Variants in DRC3 observed in about 807,000 individuals in gnomAD.
DRC3 encodes the protein dynein regulatory complex subunit 3.
A neutral mutation model predicts 57.6 loss-of-function variants in DRC3; 45 were observed. The ratio of observed to expected loss-of-function variants is 0.78; its 90% confidence interval spans 0.62 to 1.00. DRC3 has a LOEUF of 1.00. Ranked by LOEUF, DRC3 falls within the 50% of genes least tolerant of loss-of-function variation. The pLI, the probability that DRC3 is intolerant of heterozygous loss-of-function variation, is 0.00. For missense variants in DRC3, 655 were observed against 675.2 expected (o/e 0.97, Z 0.33); for synonymous variants, 257 against 272.3 (o/e 0.94, Z 0.55).
intron 12 of DRC3, chr17:18,007,981 C>A: frequency 3.0e-6 from 1 of 336,362 alleles, no homozygotes; most frequent in Non-Finnish European, 4.2e-6. Flanking sequence ...AACCCTATCA[C>A]TGCACACTTT....
At chr17:17,999,323 C>T (rs891451171) in intron 9 of DRC3, among the ~76,000 whole-genome samples, 3 of 152,190 alleles carry the variant, frequency 2.0e-5, no homozygotes, top group East Asian at 3.8e-4. Context: ...AGCCTGCATG[C>T]GGAGTCCCTG....
rs9900884 is a variant in DRC3 at position 17,988,382 on chromosome 17, A to G, written c.444+284A>G. The G allele has an allele frequency of 5.5e-3, 2,295 of 418,062 alleles. 40 individuals are homozygous for G. The highest frequency in any genetic ancestry group is 0.04 in the African/African-American group (1,969 of 49,312). The allele number at this position is 418,062 out of a possible 1,614,324, so 25.9% of individuals were successfully genotyped here. ...ATTTAACAAACATTTGCTGAGGTAC[A>G]TACCTGTTAGTGTTGGGCGTATGTC... On this transcript the variant is annotated intron_variant, in intron 5 of 13. Transcript: ENST00000399187.
At chr17:17,994,196 C>T in intron 6 of DRC3, 103 bp from the exon 7 acceptor site, 1 of 1,464,338 alleles carries the variant, frequency 6.8e-7, no homozygotes, top group Non-Finnish European at 9.2e-7. Context: ...TGCAACACCC[C>T]TGCCCATGCG....
At chr17:18,007,856 G>T (rs748426659) in intron 12 of DRC3, 1 of 1,008,872 alleles carries the variant, frequency 9.9e-7, no homozygotes, top group African/African-American at 1.7e-5. Flanking sequence ...TCTCTCTGTC[G>T]CGACATCACC....
chr17:18,007,699 C>T (rs1597638488), intron 12 of DRC3: 5 of 1,309,760 alleles, frequency 3.8e-6, no homozygotes, highest in Admixed American at 3.3e-5. Flanking sequence ...CTGGGTCCCG[C>T]GGCAGCATGT....
intron 7 of DRC3, 127 bp from the exon 8 acceptor site, chr17:17,994,872 C>T: frequency 1.5e-6 from 1 of 674,524 alleles, no homozygotes; most frequent in Admixed American, 2.3e-5. Flanking sequence ...TGCCTCTGCA[C>T]CTCTGCACAT....
At chr17:18,000,243 C>CGTGT (rs1464800544) in intron 9 of DRC3, among the ~76,000 whole-genome samples, 5 of 109,236 alleles carry the variant, frequency 4.6e-5, no homozygotes, top group African/African-American at 1.6e-4. Context: ...TTTGCTTTCA[C>CGTGT]GTGAGTGTGT....
At chr17:18,006,460 C>T in intron 11 of DRC3, 1 of 592,628 alleles carries the variant, frequency 1.7e-6, no homozygotes. Context: ...TGATTGTTCT[C>T]ATATGAGTGA....
intron 4 of DRC3, among the ~76,000 whole-genome samples, chr17:17,986,297 T>C (rs2042953543): frequency 1.3e-5 from 2 of 152,186 alleles, no homozygotes; most frequent in Non-Finnish European, 2.9e-5. Flanking sequence ...ATCTATAAAA[T>C]GGGGATGATG....
Position 17,977,618 on chromosome 17 carries a change from C to T in DRC3, c.20C>T (p.Ser7Leu), listed in dbSNP as rs776044702. The change falls in exon 3 of 14, where the codon TCG (serine) becomes TTG (leucine). Residue 7 changes from serine to leucine, a missense_variant. Ser to Leu is a moderately radical substitution (Grantham distance 145). Coordinates refer to ENST00000399187, the MANE Select transcript of DRC3 (RefSeq NM_031294.4). MNQPCN[S>L]MEPRVMDDDM... ...GGGAAGATGAACCAGCCGTGCAACTCGATGGAGCCGAGGGTGATGGACGAT... is the reference window on the plus strand; with the variant it reads ...GGGAAGATGAACCAGCCGTGCAACTTGATGGAGCCGAGGGTGATGGACGAT... 2.5e-6 allele frequency: 4 copies of T among 1,613,840 alleles called. No individual in the cohort carries two copies. Among genetic ancestry groups the T allele is most frequent in the African/African-American group, 1.3e-5 (1 of 74,896 alleles).
At chr17:18,011,347 T>A in intron 12 of DRC3, 1 of 348,136 alleles carries the variant, frequency 2.9e-6, no homozygotes, top group South Asian at 2.2e-5. Context: ...CATCAGGGAT[T>A]ACAATGGCCG....
chr17:18,006,834 C>T (rs997621936), intron 11 of DRC3, 190 bp from the exon 12 acceptor site: 45 of 791,812 alleles, frequency 5.7e-5, no homozygotes, highest in Non-Finnish European at 3.9e-5. Context: ...GCCGAGGGTC[C>T]GTCCGAGGTG....
intron 12 of DRC3, chr17:18,007,650 G>C: frequency 1.4e-6 from 2 of 1,386,710 alleles, no homozygotes; most frequent in Non-Finnish European, 1.9e-6. Context: ...CTCCATCCCT[G>C]GGGTCTGCAC....
At chr17:18,013,733 A>G (rs1275142028) in intron 12 of DRC3, among the ~76,000 whole-genome samples, 1 of 152,214 alleles carries the variant, frequency 6.6e-6, no homozygotes, top group African/African-American at 2.4e-5. Context: ...CTATACCACT[A>G]TGGGATGACT....
intron 9 of DRC3, among the ~76,000 whole-genome samples, chr17:18,002,915 TAAGAC>T (rs1386167238): frequency 1.3e-5 from 2 of 152,098 alleles, no homozygotes; most frequent in African/African-American, 4.8e-5. Context: ...TAAACTGACA[TAAGAC>T]AAACGAGAAA....
chr17:17,992,205 G>T (rs2043264653), intron 5 of DRC3, among the ~76,000 whole-genome samples: 2 of 152,118 alleles, frequency 1.3e-5, no homozygotes, highest in Admixed American at 6.5e-5. Flanking sequence ...AACCCGGGAG[G>T]CAGAGGTTGC....
At chr17:18,001,010 G>A (rs560304548) in intron 9 of DRC3, among the ~76,000 whole-genome samples, 1 of 151,894 alleles carries the variant, frequency 6.6e-6, no homozygotes, top group Admixed American at 6.6e-5. Context: ...AGCAATCCTC[G>A]TGCCTCAGCC....
Position 18,007,142 on chromosome 17 carries a change from C to T in DRC3, c.1321C>T (p.Arg441Cys), listed in dbSNP as rs566481420. Reference protein sequence around the residue: ...DLDEDLPNDLRALFVDKDTIV... With the variant: ...DLDEDLPNDLCALFVDKDTIV... ...GGACGAGGACCTGCCTAACGACCTG[C>T]GCGCGGTAGGCGGGGCGGGCTGCTC... Residue 441 changes from arginine to cysteine, a missense_variant, in exon 12 of 14, where the codon CGC (arginine) becomes TGC (cysteine). Arg to Cys is a radical substitution (Grantham distance 180). Transcript: ENST00000399187. The T allele has an allele frequency of 1.1e-4, 104 of 933,742 alleles. 1 individual carries two copies. In the East Asian group the frequency reaches 0.013, roughly 113 times the overall value. The allele number at this position is 933,742 out of a possible 1,614,324, so 57.8% of individuals were successfully genotyped here.
chr17:17,998,270 G>A (rs559387260), intron 9 of DRC3, among the ~76,000 whole-genome samples: 3 of 152,272 alleles, frequency 2.0e-5, no homozygotes, highest in Non-Finnish European at 2.9e-5. Flanking sequence ...GAGGAAGGGC[G>A]TTCCTCCACC....
Sources: allele counts gnomAD v4.1 joint callset (sites outside exome capture counted in the v4.1 genomes callset), GRCh38; gene constraint gnomAD v4.1.1; transcripts MANE v1.5; gene names NCBI Gene and HGNC (gene_info 2026-07-23, HGNC 2026-07-21).